Variants in ESR1 observed in about 807,000 individuals in gnomAD.
ESR1 encodes the protein estrogen receptor.
In ESR1, 12 loss-of-function variants were observed where a neutral mutation model predicts 52.7. That is an observed-to-expected ratio of 0.23 (90% CI 0.15 to 0.37). The LOEUF (loss-of-function observed/expected upper bound fraction) is 0.37. Ranked by LOEUF, ESR1 falls within the 10% of genes least tolerant of loss-of-function variation. The pLI is 1.00. For missense variants in ESR1, 584 were observed against 779.7 expected, an observed-to-expected ratio of 0.75 and a Z score of 2.99; for synonymous variants, 305 against 316.8, an observed-to-expected ratio of 0.96 and a Z score of 0.39.
rs989089924 is a variant in ESR1, at chr6:151,660,240, G to T, written n.73+3477G>T. ...CAGCAGAGTTTGGGCGATGGGAAAA[G>T]GTACAGTTGTGTTCCTAAACTCTTA... is the stretch of plus-strand genomic sequence containing the variant. On this transcript the variant is annotated intron_variant and non_coding_transcript_variant, in intron 1 of 2. Transcript: ENST00000473497. 4.3e-4 allele frequency among the ~76,000 whole-genome samples: 65 copies of T among 152,314 alleles called. 1 individual carries two copies. The highest frequency in any genetic ancestry group is 2.1e-4 in the Non-Finnish European group (14 of 68,030).
At chr6:151,859,180 C>T (rs982824947) in intron 2 of ESR1, among the ~76,000 whole-genome samples, 1 of 152,034 alleles carries the variant, frequency 6.6e-6, no homozygotes, top group Non-Finnish European at 1.5e-5. Flanking sequence ...CTATTCTTTA[C>T]CTTCAATGTA....
chr6:152,054,348 C>T (rs1283270678), intron 5 of ESR1, among the ~76,000 whole-genome samples: 1 of 152,106 alleles, frequency 6.6e-6, no homozygotes, highest in African/African-American at 2.4e-5. Context: ...TCCTTATTGC[C>T]TAACACCGAG....
chr6:151,700,305 CT>C (rs144794856), intron 1 of ESR1, among the ~76,000 whole-genome samples: 3,230 of 152,082 alleles, frequency 0.021, 40 homozygotes, highest in East Asian at 0.032. Flanking sequence ...TTTAATTAGC[CT>C]TTTTTTCCCT....
At position 152,122,254 on chromosome 6, in the gene ESR1, C is replaced by T. The variant is rs12681; in HGVS notation, c.851-3012C>T. ...CCTTCTTGTTGTCTGTTTGTTCCCC[C>T]GTCACTGTTTATCTTCCACCTCTGA... On this transcript the variant is annotated intron_variant, in intron 6 of 6. Transcript: ENST00000427531. 0.2 allele frequency: 178,784 copies of T among 873,974 alleles called. 19,245 individuals are homozygous for T. The highest frequency in any genetic ancestry group is 0.3 in the African/African-American group (17,997 of 60,122). 54.1% of individuals were successfully genotyped at this position (873,974 alleles called of 1,614,324 possible).
At chr6:151,757,219 G>C (rs1365371800) in intron 2 of ESR1, among the ~76,000 whole-genome samples, 1 of 137,436 alleles carries the variant, frequency 7.3e-6, no homozygotes, top group African/African-American at 2.9e-5. Context: ...TGGTACTGAG[G>C]CTATTTTAAC....
At chr6:152,034,248 C>G (rs759418765) in intron 5 of ESR1, among the ~76,000 whole-genome samples, 2 of 151,786 alleles carry the variant, frequency 1.3e-5, no homozygotes, top group Non-Finnish European at 2.9e-5. Flanking sequence ...TGTAACAAAC[C>G]TGCCCATTGT....
intron 5 of ESR1, among the ~76,000 whole-genome samples, chr6:152,037,154 G>T (rs2045376234): frequency 6.6e-6 from 1 of 152,098 alleles, no homozygotes; most frequent in Non-Finnish European, 1.5e-5. Flanking sequence ...GTTTAGTGTT[G>T]TTCTGTTGGA....
intron 5 of ESR1, among the ~76,000 whole-genome samples, chr6:152,030,563 G>C (rs1459174895): frequency 6.6e-6 from 1 of 152,082 alleles, no homozygotes; most frequent in Non-Finnish European, 1.5e-5. Flanking sequence ...AATAGTAAAG[G>C]GATCAATTCA....
chr6:151,669,994 T>C (rs980197720), intron 1 of ESR1, among the ~76,000 whole-genome samples: 11 of 152,160 alleles, frequency 7.2e-5, no homozygotes, highest in African/African-American at 2.4e-4. Flanking sequence ...AAACTTAGTA[T>C]TGGAGGGAGG....
intron 2 of ESR1, among the ~76,000 whole-genome samples, chr6:151,867,265 G>A (rs1367904688): frequency 2.0e-5 from 3 of 152,114 alleles, no homozygotes. Context: ...ATTGACAAAT[G>A]GGATCTAATT....
At chr6:151,959,062 G>A (rs1249963131) in intron 4 of ESR1, among the ~76,000 whole-genome samples, 3 of 152,042 alleles carry the variant, frequency 2.0e-5, no homozygotes, top group African/African-American at 7.3e-5. Context: ...AAGGAGAACA[G>A]AGTGGGATGA....
chr6:152,039,318 T>G (rs990616972), intron 5 of ESR1, among the ~76,000 whole-genome samples: 5 of 152,136 alleles, frequency 3.3e-5, no homozygotes, highest in Admixed American at 2.6e-4. Flanking sequence ...AGAGACACCC[T>G]AAGGAATTTC....
At chr6:151,814,498 A>T (rs1209671154) in intron 1 of ESR1, among the ~76,000 whole-genome samples, 2 of 151,624 alleles carry the variant, frequency 1.3e-5, no homozygotes, top group African/African-American at 4.8e-5. Flanking sequence ...TTCTTTATTG[A>T]CCTGTCTCAT....
At chr6:151,873,816 T>C (rs1246728331) in intron 2 of ESR1, among the ~76,000 whole-genome samples, 2 of 152,226 alleles carry the variant, frequency 1.3e-5, no homozygotes, top group Non-Finnish European at 2.9e-5. Context: ...GACATCTTAC[T>C]TGTCAACTTA....
Position 152,101,059 on chromosome 6 carries a change from T to C in ESR1, c.*2093T>C. 1 of 229,736 alleles carries C rather than the reference T, an allele frequency of 4.4e-6. No individual in the cohort carries two copies. The highest frequency in any genetic ancestry group is 8.6e-6 in the Non-Finnish European group (1 of 116,056). The allele number at this position is 229,736 out of a possible 1,614,324, so 14.2% of individuals were successfully genotyped here. A position where few individuals can be genotyped will look rare whatever the true frequency, so the allele number is the denominator to read the frequency against. On this transcript the variant is annotated 3_prime_UTR_variant, in exon 8 of 8. Transcript: ENST00000206249. ...GTTTTTTTTTTTTTTTTTGTATACT[T>C]TTCAAGCTACCTTGTCATGTATACA...
rs1465272017 is a variant in ESR1 at position 152,033,552 on chromosome 6, A to G, written c.1235+21758A>G. On this transcript the variant is annotated intron_variant, in intron 5 of 7. Coordinates refer to ENST00000206249, the MANE Select transcript of ESR1 (RefSeq NM_000125.4). Reference sequence around the variant, plus strand: ...ACAGACACATGAAAAAATGCTCATCATCACTGGCCATCAGAGAAATGCAAA... The same window carrying G: ...ACAGACACATGAAAAAATGCTCATCGTCACTGGCCATCAGAGAAATGCAAA... Among the ~76,000 whole-genome samples the G allele has an allele frequency of 2.0e-5, 3 of 152,242 alleles. No homozygotes were observed. The East Asian group carries it at 5.8e-4, about 29-fold the overall frequency.
chr6:151,941,022 G>A (rs768317505), intron 3 of ESR1, among the ~76,000 whole-genome samples: 9 of 152,204 alleles, frequency 5.9e-5, no homozygotes, highest in African/African-American at 1.2e-4. Flanking sequence ...ACTACGTTTC[G>A]TTTTGTTTCA....
At position 152,063,833 on chromosome 6, in the gene ESR1, A is replaced by T. The variant is rs533897301; in HGVS notation, c.1369+2709A>T. 2.0e-5 allele frequency among the ~76,000 whole-genome samples: 3 copies of T among 152,182 alleles called. No individual in the cohort carries two copies. In the South Asian group the frequency reaches 6.2e-4, roughly 32 times the overall value. ...AAACAAAACCTCAGTGTATGGAGGAACCCAAGGTTTTGTGTTGAGCCCCAG... is the reference window on the plus strand; with the variant it reads ...AAACAAAACCTCAGTGTATGGAGGATCCCAAGGTTTTGTGTTGAGCCCCAG... On this transcript the variant is annotated intron_variant, in intron 6 of 7. Coordinates refer to ENST00000206249, the MANE Select transcript of ESR1 (RefSeq NM_000125.4).
chr6:151,874,022 GA>G (rs1791411454), intron 2 of ESR1, among the ~76,000 whole-genome samples: 1 of 152,188 alleles, frequency 6.6e-6, no homozygotes, highest in South Asian at 2.1e-4. Context: ...CTCCTCCAAT[GA>G]GGCTTTTTCG....
Sources: gnomAD v4.1 joint callset for allele counts (sites outside exome capture counted in the v4.1 genomes callset) on GRCh38, gnomAD v4.1.1 for gene constraint, MANE v1.5 for transcripts, NCBI Gene and HGNC (gene_info 2026-07-23, HGNC 2026-07-21) for gene names.